The following PCCA variants were observed in gnomAD, a reference collection of about 807,000 sequenced individuals.
PCCA encodes propionyl-CoA carboxylase subunit alpha.
In PCCA, 74 loss-of-function variants were observed where a neutral mutation model predicts 101.3. The observed-to-expected ratio is 0.73, with a 90% CI of 0.61 to 0.89. PCCA has a LOEUF of 0.89. PCCA is among the 40% of genes least tolerant of loss of function. PCCA has a pLI of 0.00. For synonymous variants in PCCA, 294 were observed against 313.6 expected, an observed-to-expected ratio of 0.94 and a Z score of 0.66; for missense variants, 891 against 907.0, an observed-to-expected ratio of 0.98 and a Z score of 0.23.
intron 21 of PCCA, chr13:100,491,617 C>T (rs1445672684): frequency 3.9e-6 from 5 of 1,294,618 alleles, no homozygotes; most frequent in Non-Finnish European, 5.1e-6. Flanking sequence ...AAATAATGGC[C>T]AAAGCGGTGC....
chr13:100,320,537 G>A (rs185332414), intron 16 of PCCA, among the ~76,000 whole-genome samples: 471 of 152,288 alleles, frequency 3.1e-3, no homozygotes, highest in Non-Finnish European at 5.4e-3. Flanking sequence ...AGCCTGAAGG[G>A]CTGTTGAATT....
intron 6 of PCCA, among the ~76,000 whole-genome samples, chr13:100,205,918 T>C (rs1375207762): frequency 1.3e-5 from 2 of 152,160 alleles, no homozygotes; most frequent in Admixed American, 6.6e-5. Context: ...GAAATGAATA[T>C]GATTATTGTC....
At chr13:100,330,853 A>G (rs892752920) in intron 17 of PCCA, among the ~76,000 whole-genome samples, 182 bp downstream of exon 17, 5 of 152,210 alleles carry the variant, frequency 3.3e-5, no homozygotes, top group Non-Finnish European at 7.3e-5. Flanking sequence ...CATGAGTGTG[A>G]TAATCTGCAG....
chr13:100,369,616 G>A (rs2075435962), intron 19 of PCCA, among the ~76,000 whole-genome samples: 1 of 152,284 alleles, frequency 6.6e-6, no homozygotes, highest in Non-Finnish European at 1.5e-5. Context: ...ACTAAGGGTA[G>A]TCTCCTTGGT....
intron 19 of PCCA, among the ~76,000 whole-genome samples, chr13:100,374,671 T>G (rs1025436628): frequency 1.8e-4 from 27 of 152,172 alleles, no homozygotes; most frequent in African/African-American, 6.0e-4. Flanking sequence ...GAAAATTAGT[T>G]AGAAATTTGG....
Position 100,104,107 on chromosome 13 carries a change from C to T in PCCA, c.183+1147C>T, listed in dbSNP as rs113251977. On this transcript the variant is annotated intron_variant, in intron 2 of 23. Transcript: ENST00000376285. The stretch of plus-strand genomic sequence containing the variant: ...ATGGCAATGAAGGCATCGAAGTGGG[C>T]GGGAGTTTTGGTTAAGAAGGGATTG... 9.2e-3 allele frequency among the ~76,000 whole-genome samples: 1,403 copies of T among 152,018 alleles called. 23 individuals carry two copies. The highest frequency in any genetic ancestry group is 0.023 in the African/African-American group (971 of 41,446).
At position 100,351,243 on chromosome 13, in the gene PCCA, A is replaced by G. The variant is rs572379555; in HGVS notation, c.1643+10984A>G. 2.6e-5 allele frequency among the ~76,000 whole-genome samples: 4 copies of G among 152,232 alleles called. No homozygotes were observed. In the South Asian group the frequency reaches 6.2e-4, roughly 24 times the overall value. ...CAAGTTAGCTGATCTGTGTAAGGCA[A>G]TTTTCTGTAGGTAATGGAGGAATAT... On this transcript the variant is annotated intron_variant, in intron 18 of 23. Coordinates refer to ENST00000376285, the MANE Select transcript of PCCA (RefSeq NM_000282.4).
intron 19 of PCCA, among the ~76,000 whole-genome samples, chr13:100,425,410 C>T (rs1393502246): frequency 6.6e-6 from 1 of 152,226 alleles, no homozygotes; most frequent in Non-Finnish European, 1.5e-5. Context: ...CACTTGAAGC[C>T]TCAGTACCCG....
At chr13:100,279,870 A>C (rs1011266875) in intron 12 of PCCA, among the ~76,000 whole-genome samples, 1 of 152,152 alleles carries the variant, frequency 6.6e-6, no homozygotes, top group Non-Finnish European at 1.5e-5. Flanking sequence ...TTTATCTCCC[A>C]AGATATATGT....
intron 21 of PCCA, among the ~76,000 whole-genome samples, chr13:100,458,201 A>T (rs772463550): frequency 6.6e-6 from 1 of 151,660 alleles, no homozygotes; most frequent in Non-Finnish European, 1.5e-5. Context: ...GTGGCCAAGC[A>T]TGGTGGCTCA....
At chr13:100,425,963 T>C (rs984953442) in intron 20 of PCCA, among the ~76,000 whole-genome samples, 1 of 152,234 alleles carries the variant, frequency 6.6e-6, no homozygotes, top group African/African-American at 2.4e-5. Flanking sequence ...TATTGTACTT[T>C]GTTGTAAACA....
rs768822662 is a variant in PCCA at position 100,384,394 on chromosome 13, G to A, written c.1746+15820G>A. On this transcript the variant is annotated intron_variant, in intron 19 of 23. Transcript: ENST00000376285. ...ACGTTTTCATAAAAATGAAAAATTC[G>A]ATGAACTTAGAATATGCCAAGAATC... Among the ~76,000 whole-genome samples, 18 of 152,086 alleles carry A rather than the reference G, an allele frequency of 1.2e-4. 1 individual carries two copies. The highest frequency in any genetic ancestry group is 2.4e-4 in the Non-Finnish European group (16 of 68,008).
chr13:100,417,445 A>C (rs1347640101), intron 19 of PCCA, among the ~76,000 whole-genome samples: 1 of 152,036 alleles, frequency 6.6e-6, no homozygotes, highest in Non-Finnish European at 1.5e-5. Flanking sequence ...TTTCCCCTTC[A>C]TCTCTGTTTA....
At position 100,089,149 on chromosome 13, in the gene PCCA, C is replaced by A. The variant is rs1251572354; in HGVS notation, c.29C>A (p.Pro10Gln). 3 of 1,523,238 alleles carry A rather than the reference C, an allele frequency of 2.0e-6. No individual in the cohort carries two copies. Among genetic ancestry groups the A allele is most frequent in the East Asian group, 2.6e-5 (1 of 38,686 alleles). 94.4% of individuals were successfully genotyped at this position (1,523,238 alleles called of 1,614,324 possible). A position where few individuals can be genotyped will look rare whatever the true frequency, so the allele number is the denominator to read the frequency against. Residue 10 changes from proline to glutamine, a missense_variant, in exon 1 of 24, where the codon CCG becomes CAG. Coordinates refer to ENST00000376285, the MANE Select transcript of PCCA (RefSeq NM_000282.4). MAGFWVGTAPLVAAGRRGRW... is the reference protein window; with the variant it reads MAGFWVGTAQLVAAGRRGRW... ...GCGGGGTTCTGGGTCGGGACAGCAC[C>A]GCTGGTCGCTGCCGGACGGCGTGGG...
rs575901744 is a variant in PCCA at position 100,360,971 on chromosome 13, G to C, written c.1644-7501G>C. ...ATGGAATATTATTTAGCAATAAAAA[G>C]AAATGAGCTACTAAGGCATGAAAAG... On this transcript the variant is annotated intron_variant, in intron 18 of 23. Transcript: ENST00000376285. Among the ~76,000 whole-genome samples, 220 of 152,270 alleles carry C rather than the reference G, an allele frequency of 1.4e-3. 1 individual carries two copies. The highest frequency in any genetic ancestry group is 4.8e-3 in the African/African-American group (200 of 41,544).
At chr13:100,304,746 CTTA>C (rs2066326125) in intron 14 of PCCA, among the ~76,000 whole-genome samples, 2 of 152,092 alleles carry the variant, frequency 1.3e-5, no homozygotes, top group Admixed American at 1.3e-4. Context: ...TCTTCCTTGT[CTTA>C]TTAAAACTAG....
In PCCA at chr13:100,273,351, C is replaced by A. The variant is rs201597816; in HGVS notation, c.1065+5C>A. The A allele has an allele frequency of 3.1e-6, 5 of 1,608,692 alleles. No individual in the cohort carries two copies. Among genetic ancestry groups the A allele is most frequent in the Non-Finnish European group, 4.3e-6 (5 of 1,175,110 alleles). ...GAAATGAATACAAGACTCCAGGTAA[C>A]AACAACTGTTATTTATTCCTCTCCA... is the stretch of plus-strand genomic sequence containing the variant. On this transcript the variant is annotated splice_donor_5th_base_variant and intron_variant, in intron 12 of 23. Transcript: ENST00000376285.
intron 4 of PCCA, among the ~76,000 whole-genome samples, chr13:100,113,019 A>C (rs771826703): frequency 3.9e-5 from 6 of 152,230 alleles, no homozygotes; most frequent in Non-Finnish European, 5.9e-5. Flanking sequence ...ATTGTCTCAT[A>C]CTACTTTTGA....
chr13:100,301,237 G>A lies in PCCA; in HGVS notation c.1066-223G>A, dbSNP rs116396038. The stretch of plus-strand genomic sequence containing the variant: ...AATCAAAATTGAGAAAAATAATACA[G>A]ATAGTTTACAAATACTTTTAGGCCT... On this transcript the variant is annotated intron_variant, in intron 12 of 23. Coordinates refer to ENST00000376285, the MANE Select transcript of PCCA (RefSeq NM_000282.4). 5.8e-3 allele frequency among the ~76,000 whole-genome samples: 880 copies of A among 152,192 alleles called. 10 individuals carry two copies. The highest frequency in any genetic ancestry group is 0.02 in the African/African-American group (826 of 41,516).
Sources: allele counts gnomAD v4.1 joint callset (sites outside exome capture counted in the v4.1 genomes callset), GRCh38; gene constraint gnomAD v4.1.1; transcripts MANE v1.5; gene names NCBI Gene and HGNC (gene_info 2026-07-23, HGNC 2026-07-21).